EPHA6: variants seen among roughly 807,000 people sequenced by gnomAD.
EPHA6 encodes the protein EPH receptor A6.
A neutral mutation model predicts 112.0 loss-of-function variants in EPHA6; 50 were observed. The observed-to-expected ratio is 0.45, with a 90% CI of 0.36 to 0.56. The LOEUF (loss-of-function observed/expected upper bound fraction) is 0.56. EPHA6 is among the 20% of genes least tolerant of loss of function. The pLI is 0.00. For synonymous variants in EPHA6, 529 were observed against 490.7 expected, an observed-to-expected ratio of 1.08 and a Z score of -1.03; for missense variants, 1,280 against 1,417.4, an observed-to-expected ratio of 0.90 and a Z score of 1.56.
At chr3:97,495,917 T>C (rs2107537752) in intron 10 of EPHA6, among the ~76,000 whole-genome samples, 1 of 152,316 alleles carries the variant, frequency 6.6e-6, no homozygotes, top group Admixed American at 6.5e-5. Flanking sequence ...GCCGTACTTT[T>C]TCCCTGGACT....
chr3:97,386,616 T>C (rs192973146), intron 5 of EPHA6, among the ~76,000 whole-genome samples: 4 of 152,268 alleles, frequency 2.6e-5, no homozygotes, highest in African/African-American at 9.6e-5. Flanking sequence ...TGATATTGAG[T>C]GTCTGCAGCT....
chr3:97,392,888 G>A (rs951497723), intron 5 of EPHA6, among the ~76,000 whole-genome samples: 1 of 151,530 alleles, frequency 6.6e-6, no homozygotes, highest in Admixed American at 6.6e-5. Flanking sequence ...GAAATCAGCT[G>A]ACGCCCAGAA....
chr3:97,420,993 T>C (rs1400244253), intron 6 of EPHA6, among the ~76,000 whole-genome samples: 1 of 152,140 alleles, frequency 6.6e-6, no homozygotes, highest in African/African-American at 2.4e-5. Context: ...AAAAGGCATT[T>C]CATGTATACC....
intron 3 of EPHA6, among the ~76,000 whole-genome samples, chr3:97,198,075 A>G (rs746224157): frequency 1.3e-5 from 2 of 152,006 alleles, no homozygotes; most frequent in Admixed American, 1.3e-4. Context: ...GGAACTCAAG[A>G]CTATCTTTTC....
At chr3:96,861,318 GC>G in intron 1 of EPHA6, among the ~76,000 whole-genome samples, 1 of 152,040 alleles carries the variant, frequency 6.6e-6, no homozygotes. Flanking sequence ...ATAGCAAACT[GC>G]TTCACTTGAT....
intron 5 of EPHA6, among the ~76,000 whole-genome samples, chr3:97,358,184 T>C (rs1319473793): frequency 6.6e-6 from 1 of 152,198 alleles, no homozygotes; most frequent in African/African-American, 2.4e-5. Flanking sequence ...CTTATTTGTG[T>C]TGTTTTTTGT....
chr3:97,402,409 A>T (rs1356999166), intron 5 of EPHA6, among the ~76,000 whole-genome samples: 1 of 152,058 alleles, frequency 6.6e-6, no homozygotes, highest in Non-Finnish European at 1.5e-5. Context: ...ATGTCTCTTT[A>T]AAGTTTCTGA....
At position 97,173,925 on chromosome 3, in the gene EPHA6, G is replaced by A. The variant is rs2076764305; in HGVS notation, c.1115-52339G>A. ...TATTTATTTTAAAATATTCAATTAA[G>A]TTGTTATTAACTACAGTCACCCTAT... On this transcript the variant is annotated intron_variant, in intron 3 of 17. Coordinates refer to ENST00000389672, the MANE Select transcript of EPHA6 (RefSeq NM_001080448.3). Among the ~76,000 whole-genome samples the A allele has an allele frequency of 2.0e-5, 3 of 151,552 alleles. No homozygotes were observed. In the South Asian group the frequency reaches 6.2e-4, roughly 31 times the overall value.
chr3:97,694,367 G>C, intron 14 of EPHA6, among the ~76,000 whole-genome samples: 1 of 151,922 alleles, frequency 6.6e-6, no homozygotes, highest in East Asian at 1.9e-4. Flanking sequence ...CTCCCGAGTA[G>C]CTGAGATTAC....
At chr3:96,988,116 A>G (rs1413402488) in intron 3 of EPHA6, 123 bp downstream of exon 3, 2 of 689,476 alleles carry the variant, frequency 2.9e-6, no homozygotes, top group East Asian at 2.8e-5. Context: ...TTTGATACAT[A>G]TAATGTATAC....
chr3:96,994,732 T>TAGAGAGAGAGAGAGAG (rs71623564), intron 3 of EPHA6, among the ~76,000 whole-genome samples: 23 of 82,188 alleles, frequency 2.8e-4, no homozygotes, highest in African/African-American at 3.9e-4. Flanking sequence ...TATATATATA[T>TAGAGAGAGAGAGAGAG]AGAGAGAGAG....
At chr3:97,097,465 TA>T (rs2047275045) in intron 3 of EPHA6, among the ~76,000 whole-genome samples, 1 of 151,680 alleles carries the variant, frequency 6.6e-6, no homozygotes, top group African/African-American at 2.4e-5. Flanking sequence ...ATTGAATTTT[TA>T]AAATGGGAAA....
At chr3:97,544,420 C>A (rs1294762823) in intron 11 of EPHA6, among the ~76,000 whole-genome samples, 1 of 152,162 alleles carries the variant, frequency 6.6e-6, no homozygotes, top group Non-Finnish European at 1.5e-5. Flanking sequence ...GTTGAACCAG[C>A]CTTGCATCCC....
intron 11 of EPHA6, among the ~76,000 whole-genome samples, chr3:97,580,829 G>A (rs1239498758): frequency 6.6e-6 from 1 of 152,186 alleles, no homozygotes; most frequent in Non-Finnish European, 1.5e-5. Flanking sequence ...CTCACTAAAA[G>A]TTAGAAGTTA....
At chr3:97,199,369 C>T (rs114996189) in intron 3 of EPHA6, among the ~76,000 whole-genome samples, 248 of 152,220 alleles carry the variant, frequency 1.6e-3, no homozygotes, top group African/African-American at 5.2e-3. Context: ...TAATACTTCT[C>T]ATCTCTGGCT....
intron 5 of EPHA6, among the ~76,000 whole-genome samples, chr3:97,283,201 A>T (rs1462573360): frequency 6.6e-6 from 1 of 152,254 alleles, no homozygotes; most frequent in Non-Finnish European, 1.5e-5. Context: ...ACTTTTTTTT[A>T]AAAAGCATAA....
Position 97,154,967 on chromosome 3 carries a change from T to G in EPHA6, c.1115-71297T>G, listed in dbSNP as rs150918356. ...ATGTAAAGAAACCAACCTAGCTGTT[T>G]GTATGACTTAGGTAAAATAAAGATT... On this transcript the variant is annotated intron_variant, in intron 3 of 17. Coordinates refer to ENST00000389672, the MANE Select transcript of EPHA6 (RefSeq NM_001080448.3). Among the ~76,000 whole-genome samples, 937 of 152,334 alleles carry G rather than the reference T, an allele frequency of 6.2e-3. 7 individuals carry two copies. Among genetic ancestry groups the G allele is most frequent in the African/African-American group, 0.02 (844 of 41,584 alleles).
chr3:97,064,505 A>G (rs775112949), intron 3 of EPHA6, among the ~76,000 whole-genome samples: 6 of 152,174 alleles, frequency 3.9e-5, no homozygotes, highest in African/African-American at 9.6e-5. Flanking sequence ...GCTTCAAGAG[A>G]TCAGAGACTA....
At chr3:97,121,364 G>A (rs568444831) in intron 3 of EPHA6, among the ~76,000 whole-genome samples, 1 of 151,984 alleles carries the variant, frequency 6.6e-6, no homozygotes, top group African/African-American at 2.4e-5. Context: ...GATAGAAGAG[G>A]TTGTCTTACA....
Sources: gnomAD v4.1 joint callset for allele counts (sites outside exome capture counted in the v4.1 genomes callset) on GRCh38, gnomAD v4.1.1 for gene constraint, MANE v1.5 for transcripts, NCBI Gene and HGNC (gene_info 2026-07-23, HGNC 2026-07-21) for gene names.